Variants in PCSK2 observed in about 807,000 individuals in gnomAD.
PCSK2 encodes the protein proprotein convertase subtilisin/kexin type 2.
PCSK2 carries 14 observed loss-of-function variants against 69.7 expected under a neutral mutation model. That is an observed-to-expected ratio of 0.20 (90% CI 0.13 to 0.31). The LOEUF (loss-of-function observed/expected upper bound fraction) is 0.31. PCSK2 is among the 10% of genes least tolerant of loss of function. The probability of loss-of-function intolerance (pLI) is 1.00; values close to 1 mark genes in which losing one functional copy is unlikely to be tolerated. For synonymous variants in PCSK2, 307 were observed against 320.7 expected, an observed-to-expected ratio of 0.96 and a Z score of 0.46; for missense variants, 544 against 842.5, an observed-to-expected ratio of 0.65 and a Z score of 4.39.
intron 2 of PCSK2, among the ~76,000 whole-genome samples, chr20:17,275,932 C>T (rs914437395): frequency 6.6e-6 from 1 of 152,254 alleles, no homozygotes; most frequent in East Asian, 1.9e-4. Flanking sequence ...TTTAACATCT[C>T]ACAACCACAT....
chr20:17,404,297 A>T (rs1479218524), intron 5 of PCSK2, among the ~76,000 whole-genome samples: 1 of 152,244 alleles, frequency 6.6e-6, no homozygotes, highest in African/African-American at 2.4e-5. Context: ...ACATCAGTGG[A>T]TGTCCATATT....
chr20:17,339,109 G>A (rs1388472133), intron 2 of PCSK2, among the ~76,000 whole-genome samples: 1 of 152,136 alleles, frequency 6.6e-6, no homozygotes, highest in East Asian at 1.9e-4. Flanking sequence ...GGGATACACA[G>A]CACTTTTCAG....
At chr20:17,324,796 C>T (rs1194427708) in intron 2 of PCSK2, among the ~76,000 whole-genome samples, 2 of 152,330 alleles carry the variant, frequency 1.3e-5, no homozygotes, top group East Asian at 3.9e-4. Context: ...AGAAAGGTCT[C>T]TTCCCCTACT....
At chr20:17,268,394 G>A (rs189280093) in intron 2 of PCSK2, among the ~76,000 whole-genome samples, 76 of 152,214 alleles carry the variant, frequency 5.0e-4, no homozygotes, top group African/African-American at 1.8e-3. Context: ...GAGCCATAGA[G>A]GGGTGTTTCT....
At chr20:17,375,548 G>C (rs1469878392) in intron 5 of PCSK2, among the ~76,000 whole-genome samples, 1 of 152,168 alleles carries the variant, frequency 6.6e-6, no homozygotes, top group Non-Finnish European at 1.5e-5. Context: ...TCATAAGGGA[G>C]GGTTAATCCC....
intron 2 of PCSK2, among the ~76,000 whole-genome samples, chr20:17,267,352 C>T (rs1345941203): frequency 5.3e-5 from 8 of 152,194 alleles, no homozygotes; most frequent in Admixed American, 5.2e-4. Flanking sequence ...AGTTACTTGA[C>T]AGCATCAGGA....
chr20:17,474,416 C>T lies in PCSK2; in HGVS notation c.1431-7168C>T, dbSNP rs143211166. ...GTTTGTGTGTTTGTCCCTACTCCCA[C>T]CTGTCTTTCGGCTTTCCAAGGTGCA... On this transcript the variant is annotated intron_variant, in intron 11 of 11. Transcript: ENST00000262545. Among the ~76,000 whole-genome samples, 281 of 152,274 alleles carry T rather than the reference C, an allele frequency of 1.8e-3. 1 individual carries two copies. Among genetic ancestry groups the T allele is most frequent in the Middle Eastern group, 6.8e-3 (2 of 294 alleles).
chr20:17,316,550 C>G (rs1005300356), intron 2 of PCSK2, among the ~76,000 whole-genome samples: 6 of 152,140 alleles, frequency 3.9e-5, no homozygotes, highest in African/African-American at 1.4e-4. Context: ...CTCTCAAATC[C>G]CAGTGTCAGA....
At chr20:17,288,258 C>T (rs1313426847) in intron 2 of PCSK2, among the ~76,000 whole-genome samples, 1 of 152,176 alleles carries the variant, frequency 6.6e-6, no homozygotes, top group Non-Finnish European at 1.5e-5. Context: ...CCCTAGGGCA[C>T]ATGAGGATGC....
chr20:17,370,294 G>A (rs1476379660), intron 5 of PCSK2, among the ~76,000 whole-genome samples: 1 of 152,178 alleles, frequency 6.6e-6, no homozygotes, highest in Non-Finnish European at 1.5e-5. Flanking sequence ...AGTGTTTGGA[G>A]GTCACCAGTC....
intron 1 of PCSK2, among the ~76,000 whole-genome samples, chr20:17,252,430 T>A (rs935840174): frequency 1.5e-4 from 23 of 152,350 alleles, no homozygotes; most frequent in African/African-American, 5.5e-4. Flanking sequence ...CTACAGCACA[T>A]TCTATTCTAA....
chr20:17,447,803 G>A (rs192329393), intron 8 of PCSK2, among the ~76,000 whole-genome samples: 189 of 152,234 alleles, frequency 1.2e-3, no homozygotes, highest in Middle Eastern at 3.4e-3. Context: ...AAAAATTATG[G>A]TGTAGAAGAG....
chr20:17,369,395 C>T, intron 5 of PCSK2, 118 bp downstream of exon 5: 1 of 776,790 alleles, frequency 1.3e-6, no homozygotes, highest in South Asian at 1.4e-5. Context: ...AGTACAGGAG[C>T]ATGCACACAC....
At chr20:17,369,137 T>C in intron 4 of PCSK2, 103 bp from the exon 5 acceptor site, 1 of 945,538 alleles carries the variant, frequency 1.1e-6, no homozygotes, top group African/African-American at 1.6e-5. Flanking sequence ...GCAAGCCTTC[T>C]GGCACCAGCC....
chr20:17,416,113 G>A lies in PCSK2; in HGVS notation c.620+6774G>A, dbSNP rs1243980968. On this transcript the variant is annotated intron_variant, in intron 6 of 11. Coordinates refer to ENST00000262545, the MANE Select transcript of PCSK2 (RefSeq NM_002594.5). ...GCAATACCACTCAGGACATAGGCAT[G>A]GACAAGGACTTCATGACTAAAACAC... Among the ~76,000 whole-genome samples, 3 of 152,262 alleles carry A rather than the reference G, an allele frequency of 2.0e-5. No individual in the cohort carries two copies. The East Asian group carries it at 5.8e-4, about 29-fold the overall frequency.
rs532508043 is a variant in PCSK2 at position 17,319,459 on chromosome 20, A to C, written c.283-38868A>C. ...ATGCTGGCTGCTGTCTGGGAGGTGC[A>C]AGGGATTGGGCCCTGTATATCTCCA... On this transcript the variant is annotated intron_variant, in intron 2 of 11. Coordinates refer to ENST00000262545, the MANE Select transcript of PCSK2 (RefSeq NM_002594.5). Among the ~76,000 whole-genome samples the C allele has an allele frequency of 2.6e-5, 4 of 152,272 alleles. No individual in the cohort carries two copies. In the South Asian group the frequency reaches 8.3e-4, roughly 32 times the overall value.
chr20:17,250,894 G>A (rs1986951760), intron 1 of PCSK2, among the ~76,000 whole-genome samples: 1 of 152,088 alleles, frequency 6.6e-6, no homozygotes, highest in Non-Finnish European at 1.5e-5. Context: ...GGGGTCAGGA[G>A]TTCAAGCTCA....
At chr20:17,324,774 C>T (rs1388629026) in intron 2 of PCSK2, among the ~76,000 whole-genome samples, 1 of 152,182 alleles carries the variant, frequency 6.6e-6, no homozygotes, top group East Asian at 1.9e-4. Flanking sequence ...AGCATGCTCC[C>T]ACAGTGCATG....
At chr20:17,265,110 C>T (rs1029209398) in intron 2 of PCSK2, among the ~76,000 whole-genome samples, 7 of 152,110 alleles carry the variant, frequency 4.6e-5, no homozygotes, top group Non-Finnish European at 7.4e-5. Flanking sequence ...GTGATCCACC[C>T]GCCTTGGCCT....
Sources: gnomAD v4.1 joint callset for allele counts (sites outside exome capture counted in the v4.1 genomes callset) on GRCh38, gnomAD v4.1.1 for gene constraint, MANE v1.5 for transcripts, NCBI Gene and HGNC (gene_info 2026-07-23, HGNC 2026-07-21) for gene names.